GALK2: variants seen among roughly 807,000 people sequenced by gnomAD.
The protein encoded by GALK2 is N-acetylgalactosamine kinase.
Under a neutral mutation model 52.4 loss-of-function variants are expected in GALK2, and 36 were observed. The observed-to-expected ratio is 0.69, with a 90% CI of 0.53 to 0.91. GALK2 has a LOEUF of 0.91. GALK2 is among the 40% of genes least tolerant of loss of function. The probability of loss-of-function intolerance (pLI) is 0.00; values close to 1 mark genes in which losing one functional copy is unlikely to be tolerated. For missense variants in GALK2, 579 were observed against 559.1 expected, an observed-to-expected ratio of 1.04 and a Z score of -0.36; for synonymous variants, 176 against 199.1, an observed-to-expected ratio of 0.88 and a Z score of 0.98.
chr15:49,335,316 C>T (rs1451207375), downstream of GALK2: 1 of 706,366 alleles, frequency 1.4e-6, no homozygotes, highest in African/African-American at 1.8e-5. Flanking sequence ...TCAGACATGA[C>T]TCTCCTCATC....
Position 49,330,988 on chromosome 15 carries a change from T to TG in GALK2, c.*2830dup, listed in dbSNP as rs1489285393. 2.6e-5 allele frequency: 4 copies of TG among 152,232 alleles called. No individual in the cohort carries two copies. The highest frequency in any genetic ancestry group is 9.7e-5 in the African/African-American group (4 of 41,442). 9.4% of individuals were successfully genotyped at this position (152,232 alleles called of 1,614,324 possible). On this transcript the variant is annotated 3_prime_UTR_variant, in exon 10 of 10. Transcript: ENST00000560031. ...CAACAACAACAAAAATGAATAGTCC[T>TG]GTTTGCTTATTATACTGTCCTGTTT...
chr15:49,178,497 C>A, intron 1 of GALK2: 1 of 284,882 alleles, frequency 3.5e-6, no homozygotes, highest in South Asian at 4.3e-5. Flanking sequence ...ACAGGCTTGC[C>A]ATAAGCTGCA....
At chr15:49,350,872 G>A (rs1029950171) in intron 3 of GALK2, among the ~76,000 whole-genome samples, 13 of 152,202 alleles carry the variant, frequency 8.5e-5, no homozygotes, top group African/African-American at 3.1e-4. Context: ...AAGTACAAAG[G>A]AGAGACTGCT....
chr15:49,233,929 G>C (rs994168046), intron 3 of GALK2, among the ~76,000 whole-genome samples: 12 of 152,102 alleles, frequency 7.9e-5, no homozygotes, highest in African/African-American at 2.7e-4. Flanking sequence ...ACTTTTAAAA[G>C]GCAAGCCTTC....
At chr15:49,255,457 G>A (rs2091775687) in intron 5 of GALK2, among the ~76,000 whole-genome samples, 1 of 140,920 alleles carries the variant, frequency 7.1e-6, no homozygotes, top group South Asian at 2.3e-4. Context: ...TGACAATTTT[G>A]AAGCGTCCAG....
intron 3 of GALK2, among the ~76,000 whole-genome samples, chr15:49,362,126 T>C (rs2044346729): frequency 6.6e-6 from 1 of 151,896 alleles, no homozygotes; most frequent in Non-Finnish European, 1.5e-5. Flanking sequence ...AAGTTCCTTA[T>C]TAACATAGTT....
intron 5 of GALK2, among the ~76,000 whole-genome samples, chr15:49,276,710 T>C (rs1418053732): frequency 6.6e-6 from 1 of 152,220 alleles, no homozygotes; most frequent in Non-Finnish European, 1.5e-5. Context: ...TCTGCTTCCT[T>C]TTACAGTGTA....
intron 1 of GALK2, among the ~76,000 whole-genome samples, chr15:49,193,238 T>G (rs1166257911): frequency 6.6e-6 from 1 of 152,096 alleles, no homozygotes; most frequent in Non-Finnish European, 1.5e-5. Context: ...CCTCAGGCAG[T>G]CCACTCGCCT....
chr15:49,238,978 A>G (rs983650004), intron 4 of GALK2, among the ~76,000 whole-genome samples: 3 of 152,228 alleles, frequency 2.0e-5, no homozygotes, highest in Non-Finnish European at 2.9e-5. Context: ...AAATCAATTA[A>G]TATTCAAGAA....
intron 3 of GALK2, among the ~76,000 whole-genome samples, chr15:49,227,930 C>G (rs1280957383): frequency 6.6e-6 from 1 of 152,058 alleles, no homozygotes; most frequent in Non-Finnish European, 1.5e-5. Flanking sequence ...ATGTGCTCAG[C>G]TTTTGTTTTT....
chr15:49,328,877 T>C lies in GALK2; in HGVS notation c.*718T>C. ...TATAAATAACCACTTTCAATTCTTTTGGCCCTGAGCTATCTCCATTACTTA... is the reference window on the plus strand; with the variant it reads ...TATAAATAACCACTTTCAATTCTTTCGGCCCTGAGCTATCTCCATTACTTA... On this transcript the variant is annotated 3_prime_UTR_variant, in exon 10 of 10. Transcript: ENST00000560031. 7.5e-7 allele frequency: 1 copy of C among 1,329,892 alleles called. No individual in the cohort carries two copies. The highest frequency in any genetic ancestry group is 9.6e-7 in the Non-Finnish European group (1 of 1,037,904). 82.4% of individuals were successfully genotyped at this position (1,329,892 alleles called of 1,614,324 possible).
intron 8 of GALK2, among the ~76,000 whole-genome samples, chr15:49,311,151 C>G (rs186641178): frequency 3.3e-4 from 50 of 152,236 alleles, no homozygotes; most frequent in African/African-American, 1.2e-3. Context: ...CAAGCGTATC[C>G]TTTCCTCAAT....
chr15:49,340,449 A>G (rs1180634807), intron 3 of GALK2, among the ~76,000 whole-genome samples: 1 of 115,352 alleles, frequency 8.7e-6, no homozygotes, highest in Non-Finnish European at 1.7e-5. Flanking sequence ...CTTGGGCTGC[A>G]CCCACTGTCC....
chr15:49,319,804 C>A lies in GALK2; in HGVS notation c.1168C>A (p.Arg390=), dbSNP rs769469670. 3 of 1,612,684 alleles carry A rather than the reference C, an allele frequency of 1.9e-6. No homozygotes were observed. Among genetic ancestry groups the A allele is most frequent in the Non-Finnish European group, 2.5e-6 (3 of 1,179,528 alleles). ...GCTGGATCAGCTGGTGGACATCTGT[C>A]GGTGAGGCAGCCTGGTGGGGGCCAA... ...PELDQLVDIC[R]KFGAQGSRLT... The change falls in exon 9 of 10, where the codon CGG becomes AGG. Residue 390 remains arginine (R), a splice_region_variant and synonymous_variant. Transcript: ENST00000560031.
At chr15:49,242,155 G>C (rs16962175) in intron 5 of GALK2, among the ~76,000 whole-genome samples, 9,175 of 152,202 alleles carry the variant, frequency 0.06, 550 homozygotes, top group African/African-American at 0.15. Context: ...GGACTTTAGA[G>C]ATGAGCTAGT....
At chr15:49,318,054 A>G (rs1443693099) in intron 8 of GALK2, 1 of 118,766 alleles carries the variant, frequency 8.4e-6, no homozygotes, top group East Asian at 2.0e-4. Flanking sequence ...ATTTAAAGTA[A>G]AATTAAAAAA....
At position 49,235,917 on chromosome 15, in the gene GALK2, C is replaced by G; in HGVS notation, c.333C>G (p.Phe111Leu). 2 of 1,611,682 alleles carry G rather than the reference C, an allele frequency of 1.2e-6. No individual in the cohort carries two copies. Among genetic ancestry groups the G allele is most frequent in the Non-Finnish European group, 1.7e-6 (2 of 1,177,768 alleles). The change falls in exon 4 of 10, where the codon TTC (phenylalanine) becomes TTG (leucine). Residue 111 changes from phenylalanine to leucine, a missense_variant. By Grantham distance (22) the Phe-to-Leu change is conservative. Coordinates refer to ENST00000560031, the MANE Select transcript of GALK2 (RefSeq NM_002044.4). ...DKTKPLWHNY[F>L]LCGLKGIQEH... The stretch of plus-strand genomic sequence containing the variant: ...CCAAGCCTTTGTGGCACAACTATTT[C>G]TTATGTGGACTTAAAGGAATTCAGG...
intron 5 of GALK2, among the ~76,000 whole-genome samples, chr15:49,267,425 G>C (rs2092397684): frequency 6.6e-6 from 1 of 152,192 alleles, no homozygotes; most frequent in South Asian, 2.1e-4. Flanking sequence ...GATGGGCCTA[G>C]TAGCTGGTTC....
chr15:49,190,314 A>G (rs139858471), intron 1 of GALK2, among the ~76,000 whole-genome samples: 2 of 152,278 alleles, frequency 1.3e-5, no homozygotes, highest in African/African-American at 2.4e-5. Flanking sequence ...GAAATCGCAA[A>G]TTGCGTCTGG....
Sources: gnomAD v4.1 joint callset for allele counts (sites outside exome capture counted in the v4.1 genomes callset) on GRCh38, gnomAD v4.1.1 for gene constraint, MANE v1.5 for transcripts, NCBI Gene and HGNC (gene_info 2026-07-23, HGNC 2026-07-21) for gene names.